MAMDC2: variants seen among roughly 807,000 people sequenced by gnomAD.
MAMDC2 encodes the protein MAM domain-containing protein 2.
Under a neutral mutation model 89.8 loss-of-function variants are expected in MAMDC2, and 57 were observed. The observed-to-expected ratio is 0.63, with a 90% CI of 0.51 to 0.79. MAMDC2 has a LOEUF of 0.79. MAMDC2 is among the 30% of genes least tolerant of loss of function. The pLI, the probability that MAMDC2 is intolerant of heterozygous loss-of-function variation, is 0.00. For missense variants in MAMDC2, 800 were observed against 820.6 expected (o/e 0.97, Z 0.31); for synonymous variants, 313 against 293.4 (o/e 1.07, Z -0.68).
At chr9:70,135,972 GA>G (rs2030988480) in intron 7 of MAMDC2, among the ~76,000 whole-genome samples, 1 of 152,052 alleles carries the variant, frequency 6.6e-6, no homozygotes, top group Admixed American at 6.6e-5. Context: ...GCAACATGGT[GA>G]AACCCTGTCT....
intron 9 of MAMDC2, among the ~76,000 whole-genome samples, chr9:70,163,747 A>C (rs908578296): frequency 6.6e-6 from 1 of 151,792 alleles, no homozygotes; most frequent in African/African-American, 2.4e-5. Context: ...TGAGTCCAGG[A>C]GTTCGAGACC....
rs56198912 is a variant in MAMDC2, at chr9:70,179,352, AACACAC to A, written c.1651+8735_1651+8740del. 2.7e-5 allele frequency among the ~76,000 whole-genome samples: 4 copies of A among 147,734 alleles called. No homozygotes were observed. In the East Asian group the frequency reaches 6.0e-4, roughly 22 times the overall value. On this transcript the variant is annotated intron_variant, in intron 11 of 13. Coordinates refer to ENST00000377182, the MANE Select transcript of MAMDC2 (RefSeq NM_153267.5). ...ACGGTGAAACCTCGTCTCTACTAAA[AACACAC>A]ACACACACACACAAAATTAGCTGGG...
At position 70,197,337 on chromosome 9, in the gene MAMDC2, T is replaced by C. The variant is rs964802703; in HGVS notation, c.1652-21000T>C. 9.9e-5 allele frequency among the ~76,000 whole-genome samples: 15 copies of C among 152,282 alleles called. No homozygotes were observed. The East Asian group carries it at 2.5e-3, about 25-fold the overall frequency. ...ATTTTAAAGGCTTTCTGGGGATTGA[T>C]GAAGAAGTTAGGAAAATCATTCACA... On this transcript the variant is annotated intron_variant, in intron 11 of 13. Transcript: ENST00000377182.
chr9:70,050,618 C>A (rs1826872051), intron 2 of MAMDC2, among the ~76,000 whole-genome samples: 1 of 152,184 alleles, frequency 6.6e-6, no homozygotes, highest in Non-Finnish European at 1.5e-5. Context: ...ATACATGTAA[C>A]CTGATGTTAT....
intron 4 of MAMDC2, among the ~76,000 whole-genome samples, chr9:70,110,955 G>GACA (rs995630129): frequency 1.3e-5 from 2 of 152,138 alleles, no homozygotes; most frequent in South Asian, 2.1e-4. Flanking sequence ...TATTCTGAAC[G>GACA]ACAACAACAA....
intron 5 of MAMDC2, among the ~76,000 whole-genome samples, chr9:70,115,826 G>A (rs10780811): frequency 0.63 from 96,221 of 151,994 alleles, 31,245 homozygotes; most frequent in Non-Finnish European, 0.7. Flanking sequence ...AGACAGTTGG[G>A]TTAACTCAAA....
At chr9:70,061,065 G>T (rs1279119674) in intron 2 of MAMDC2, among the ~76,000 whole-genome samples, 1 of 152,168 alleles carries the variant, frequency 6.6e-6, no homozygotes. Context: ...TGCACAGTGT[G>T]TTGCATTTCT....
intron 9 of MAMDC2, among the ~76,000 whole-genome samples, chr9:70,149,336 C>G (rs2031511983): frequency 6.6e-6 from 1 of 152,006 alleles, no homozygotes; most frequent in African/African-American, 2.4e-5. Flanking sequence ...ATGAGGGTTG[C>G]TCTTGGGATC....
intron 9 of MAMDC2, among the ~76,000 whole-genome samples, chr9:70,150,425 T>C (rs1218747885): frequency 6.6e-6 from 1 of 152,196 alleles, no homozygotes; most frequent in Admixed American, 6.5e-5. Flanking sequence ...ATACATTTTG[T>C]ATTAGTTGGA....
chr9:70,201,936 TTCTC>T (rs537866548), intron 11 of MAMDC2, among the ~76,000 whole-genome samples: 6 of 147,778 alleles, frequency 4.1e-5, no homozygotes, highest in Admixed American at 6.8e-5. Flanking sequence ...TATTTGATTC[TTCTC>T]TCTTTTTTTC....
rs189158251 is a variant in MAMDC2, at chr9:70,212,535, C to T, written c.1652-5802C>T. ...TCCAGGTTTCCCTTGTCACGGCTTCCCTTGGCTAGGAAAGGGAATTCTGCG... is the reference window on the plus strand; with the variant it reads ...TCCAGGTTTCCCTTGTCACGGCTTCTCTTGGCTAGGAAAGGGAATTCTGCG... On this transcript the variant is annotated intron_variant, in intron 11 of 13. Coordinates refer to ENST00000377182, the MANE Select transcript of MAMDC2 (RefSeq NM_153267.5). Among the ~76,000 whole-genome samples the T allele has an allele frequency of 6.7e-4, 102 of 152,266 alleles. 1 individual carries two copies. Among genetic ancestry groups the T allele is most frequent in the Non-Finnish European group, 6.6e-4 (45 of 68,032 alleles).
In MAMDC2 at chr9:70,080,000, G is replaced by A. The variant is rs1827618322; in HGVS notation, c.149-28211G>A. ...AAAATACTATTCTTATTTACTTTGT[G>A]TATGTTGAAACACTTTAAATGTATC... is the stretch of plus-strand genomic sequence containing the variant. On this transcript the variant is annotated intron_variant, in intron 2 of 13. Transcript: ENST00000377182. 3.3e-5 allele frequency among the ~76,000 whole-genome samples: 5 copies of A among 152,182 alleles called. No individual in the cohort carries two copies. The South Asian group carries it at 1.0e-3, about 32-fold the overall frequency.
At chr9:70,211,394 T>A (rs1166415138) in intron 11 of MAMDC2, among the ~76,000 whole-genome samples, 1 of 152,198 alleles carries the variant, frequency 6.6e-6, no homozygotes, top group Non-Finnish European at 1.5e-5. Context: ...AATCACTGAT[T>A]ACCTTTCTTC....
intron 5 of MAMDC2, among the ~76,000 whole-genome samples, chr9:70,122,083 A>T (rs963794931): frequency 6.6e-6 from 1 of 152,182 alleles, no homozygotes; most frequent in African/African-American, 2.4e-5. Flanking sequence ...TTGTTCCCCA[A>T]TGAGAAGCTT....
intron 2 of MAMDC2, among the ~76,000 whole-genome samples, chr9:70,104,413 T>G (rs1218162979): frequency 6.6e-6 from 1 of 152,162 alleles, no homozygotes; most frequent in Non-Finnish European, 1.5e-5. Context: ...ACATAGAATT[T>G]CCATGTGGCC....
At chr9:70,102,527 C>T (rs1170280801) in intron 2 of MAMDC2, among the ~76,000 whole-genome samples, 1 of 152,174 alleles carries the variant, frequency 6.6e-6, no homozygotes, top group Non-Finnish European at 1.5e-5. Flanking sequence ...AGCGATTGAA[C>T]ATGACTTCAA....
chr9:70,221,380 T>TATATATAGAGAGAGAG, intron 12 of MAMDC2, among the ~76,000 whole-genome samples: 1 of 7,040 alleles, frequency 1.4e-4, no homozygotes, highest in Non-Finnish European at 2.6e-4. Flanking sequence ...TATATATATA[T>TATATATAGAGAGAGAG]AGAGAGAGAG....
At chr9:70,197,231 T>A (rs1461588876) in intron 11 of MAMDC2, among the ~76,000 whole-genome samples, 1 of 152,118 alleles carries the variant, frequency 6.6e-6, no homozygotes, top group Admixed American at 6.6e-5. Flanking sequence ...GCAATAACAT[T>A]CATCAAAGCT....
chr9:70,144,195 G>GT (rs2031321257), intron 9 of MAMDC2, among the ~76,000 whole-genome samples: 1 of 152,058 alleles, frequency 6.6e-6, no homozygotes, highest in Admixed American at 6.6e-5. Context: ...ACACACACTA[G>GT]TGGGAATGCT....
Sources: gnomAD v4.1 joint callset for allele counts (sites outside exome capture counted in the v4.1 genomes callset) on GRCh38, gnomAD v4.1.1 for gene constraint, MANE v1.5 for transcripts, NCBI Gene and HGNC (gene_info 2026-07-23, HGNC 2026-07-21) for gene names.